The following ITGAE variants were observed in gnomAD, a reference collection of about 807,000 sequenced individuals.
The protein encoded by ITGAE is integrin subunit alpha E.
ITGAE carries 99 observed loss-of-function variants against 136.5 expected under a neutral mutation model. That is an observed-to-expected ratio of 0.73 (90% CI 0.62 to 0.86). ITGAE has a LOEUF of 0.86. ITGAE is among the 40% of genes least tolerant of loss of function. The pLI is 0.00. For synonymous variants in ITGAE, 613 were observed against 591.8 expected, an observed-to-expected ratio of 1.04 and a Z score of -0.52; for missense variants, 1,447 against 1,515.3, an observed-to-expected ratio of 0.95 and a Z score of 0.75.
At position 3,761,397 on chromosome 17, in the gene ITGAE, C is replaced by G; in HGVS notation, c.433+6G>C. The G allele has an allele frequency of 6.2e-7, 1 of 1,608,360 alleles. No individual in the cohort carries two copies. ...TATCCAAGGCCAGTGAATGTCCAAT[C>G]CTTACCAAGGTCGAAGAAGTTGGCC... On this transcript the variant is annotated splice_donor_region_variant and intron_variant, in intron 5 of 30. Transcript: ENST00000263087.
chr17:3,751,315 G>A (rs2051859331), intron 15 of ITGAE, among the ~76,000 whole-genome samples: 1 of 151,872 alleles, frequency 6.6e-6, no homozygotes, highest in South Asian at 2.1e-4. Flanking sequence ...CAGGAGCGAG[G>A]GACAGAAAGA....
intron 15 of ITGAE, 38 bp from the exon 16 acceptor site, chr17:3,750,520 G>T: frequency 6.2e-7 from 1 of 1,612,684 alleles, no homozygotes; most frequent in South Asian, 1.1e-5. Flanking sequence ...GGCGAGGGAA[G>T]GGAGGGAAAC....
At chr17:3,796,400 G>C (rs913885033) in intron 1 of ITGAE, among the ~76,000 whole-genome samples, 1 of 152,146 alleles carries the variant, frequency 6.6e-6, no homozygotes, top group African/African-American at 2.4e-5. Context: ...AGATGGTCTT[G>C]AGTTCAAATC....
chr17:3,726,415 AG>A (rs1418264634), intron 26 of ITGAE: 1 of 893,776 alleles, frequency 1.1e-6, no homozygotes, highest in Non-Finnish European at 1.7e-6. Flanking sequence ...TCCCCACAGG[AG>A]GGTGGAACTC....
intron 1 of ITGAE, among the ~76,000 whole-genome samples, chr17:3,781,194 A>G (rs1022030172): frequency 1.3e-5 from 2 of 152,146 alleles, no homozygotes; most frequent in African/African-American, 4.8e-5. Context: ...TTTGTCTTGC[A>G]TATGCTGTTT....
chr17:3,726,622 G>T, intron 26 of ITGAE: 1 of 370,738 alleles, frequency 2.7e-6, no homozygotes, highest in Non-Finnish European at 4.9e-6. Context: ...GAGCCCAAGA[G>T]TTCATATCTA....
intron 22 of ITGAE, 54 bp downstream of exon 22, chr17:3,732,313 AG>A: frequency 7.6e-7 from 1 of 1,310,100 alleles, no homozygotes; most frequent in Non-Finnish European, 1.1e-6. Flanking sequence ...ACCAAGATGC[AG>A]AAGACGCCAA....
intron 2 of ITGAE, among the ~76,000 whole-genome samples, chr17:3,775,234 C>A (rs534994782): frequency 1.3e-5 from 2 of 152,162 alleles, no homozygotes; most frequent in East Asian, 3.9e-4. Flanking sequence ...TACAGGTGAG[C>A]CACTGCACCT....
chr17:3,760,121 G>T, intron 7 of ITGAE, 51 bp downstream of exon 7: 1 of 1,051,658 alleles, frequency 9.5e-7, no homozygotes, highest in Non-Finnish European at 1.5e-6. Context: ...TTCTGAGGTA[G>T]GGTGATTCTC....
At position 3,790,158 on chromosome 17, in the gene ITGAE, C is replaced by T. The variant is rs985834385; in HGVS notation, c.34+10953G>A. Among the ~76,000 whole-genome samples, 4 of 152,132 alleles carry T rather than the reference C, an allele frequency of 2.6e-5. No individual in the cohort carries two copies. The South Asian group carries it at 6.2e-4, about 24-fold the overall frequency. On this transcript the variant is annotated intron_variant, in intron 1 of 30. Coordinates refer to ENST00000263087, the MANE Select transcript of ITGAE (RefSeq NM_002208.5). The stretch of plus-strand genomic sequence containing the variant: ...AAGATTCTAAGGGACACCCACACTG[C>T]AGGTCTTCAGACCACATTCTGAGTA...
intron 1 of ITGAE, among the ~76,000 whole-genome samples, chr17:3,795,912 C>A (rs570169983): frequency 7.6e-6 from 1 of 130,764 alleles, no homozygotes; most frequent in African/African-American, 3.1e-5. Flanking sequence ...TGTGTATGCG[C>A]ATCCGTGTGT....
rs558868925 is a variant in ITGAE at position 3,732,235 on chromosome 17, G to T, written c.2754+133C>A. 1,199 of 723,078 alleles carry T rather than the reference G, an allele frequency of 1.7e-3. 1 individual carries two copies. The highest frequency in any genetic ancestry group is 2.6e-3 in the Non-Finnish European group (1,070 of 407,982). 44.8% of individuals were successfully genotyped at this position (723,078 alleles called of 1,614,324 possible). Reference sequence around the variant, plus strand: ...TACTTTCAGAGCCAGCTTAGCCACTGTAAGCACTGCTGGGGACACACTGCA... The same window carrying T: ...TACTTTCAGAGCCAGCTTAGCCACTTTAAGCACTGCTGGGGACACACTGCA... On this transcript the variant is annotated intron_variant, in intron 22 of 30. Transcript: ENST00000263087.
chr17:3,753,680 C>A lies in ITGAE; in HGVS notation c.1527+103G>T, dbSNP rs1012972369. 13 of 1,435,406 alleles carry A rather than the reference C, an allele frequency of 9.1e-6. No individual in the cohort carries two copies. In the African/African-American group the frequency reaches 1.8e-4, roughly 20 times the overall value. 88.9% of individuals were successfully genotyped at this position (1,435,406 alleles called of 1,614,324 possible). ...CTCAGGAGCCTGAGTTTCACCCAGCCCGGGCCCTGGCCCACTGTGCACCGT... is the reference window on the plus strand; with the variant it reads ...CTCAGGAGCCTGAGTTTCACCCAGCACGGGCCCTGGCCCACTGTGCACCGT... On this transcript the variant is annotated intron_variant, in intron 13 of 30. Coordinates refer to ENST00000263087, the MANE Select transcript of ITGAE (RefSeq NM_002208.5).
chr17:3,789,693 G>A (rs1019559746), intron 1 of ITGAE, among the ~76,000 whole-genome samples: 1 of 152,036 alleles, frequency 6.6e-6, no homozygotes, highest in African/African-American at 2.4e-5. Flanking sequence ...TAGAGATGGA[G>A]TTTCACTCTG....
rs1252741329 is a variant in ITGAE, at chr17:3,725,621, G to T, written c.3085-1877C>A. 3.1e-6 allele frequency: 5 copies of T among 1,613,152 alleles called. No homozygotes were observed. The African/African-American group carries it at 6.7e-5, about 22-fold the overall frequency. On this transcript the variant is annotated intron_variant, in intron 26 of 30. Transcript: ENST00000263087. ...AAGGCTTTATCGGGCTGAACTCAGT[G>T]CACTGTGTCCAGGGATCTTACCCTC...
chr17:3,733,324 C>T (rs931364285), intron 21 of ITGAE, among the ~76,000 whole-genome samples: 3 of 152,088 alleles, frequency 2.0e-5, no homozygotes, highest in Admixed American at 2.0e-4. Context: ...ACTGTCCTAG[C>T]CCAAATAGCC....
intron 1 of ITGAE, among the ~76,000 whole-genome samples, chr17:3,786,532 C>T (rs11869207): frequency 0.35 from 52,546 of 152,012 alleles, 10,395 homozygotes; most frequent in Non-Finnish European, 0.45. Flanking sequence ...AAACAACCGT[C>T]TCTCTCGAAC....
At chr17:3,776,644 G>A (rs2052546832) in intron 2 of ITGAE, among the ~76,000 whole-genome samples, 2 of 151,842 alleles carry the variant, frequency 1.3e-5, no homozygotes, top group African/African-American at 2.4e-5. Flanking sequence ...CTACAGCCTC[G>A]GCCTCCGGGC....
chr17:3,734,237 ATT>A (rs34963571), intron 21 of ITGAE, among the ~76,000 whole-genome samples: 2 of 151,490 alleles, frequency 1.3e-5, no homozygotes, highest in East Asian at 2.0e-4. Context: ...CGCCCAGCTA[ATT>A]TTTTTTTGTA....
Sources: allele counts gnomAD v4.1 joint callset (sites outside exome capture counted in the v4.1 genomes callset), GRCh38; gene constraint gnomAD v4.1.1; transcripts MANE v1.5; gene names NCBI Gene and HGNC (gene_info 2026-07-23, HGNC 2026-07-21).